Variants in DNAH2 observed in about 807,000 individuals in gnomAD.
The protein encoded by DNAH2 is axonemal beta dynein heavy chain 2.
A neutral mutation model predicts 523.5 loss-of-function variants in DNAH2; 323 were observed. The observed-to-expected ratio is 0.62, with a 90% CI of 0.56 to 0.68. The LOEUF is 0.68. DNAH2 is among the 30% of genes least tolerant of loss of function. DNAH2 has a pLI of 0.00. For synonymous variants in DNAH2, 2,093 were observed against 2,177.4 expected (o/e 0.96, Z 1.08); for missense variants, 4,907 against 5,701.5 (o/e 0.86, Z 4.49).
intron 4 of DNAH2, among the ~76,000 whole-genome samples, chr17:7,728,227 T>G (rs2074883845): frequency 6.6e-6 from 1 of 152,160 alleles, no homozygotes; most frequent in Non-Finnish European, 1.5e-5. Flanking sequence ...AGTAAAATGT[T>G]GCTGGTAGAA....
intron 44 of DNAH2, among the ~76,000 whole-genome samples, chr17:7,790,749 T>C (rs2076874656): frequency 1.3e-5 from 2 of 151,698 alleles, no homozygotes; most frequent in South Asian, 4.2e-4. Context: ...TCTTGCTCTG[T>C]TACCAAGGCT....
intron 12 of DNAH2, among the ~76,000 whole-genome samples, chr17:7,747,516 T>C (rs2075551849): frequency 1.3e-5 from 2 of 152,286 alleles, no homozygotes; most frequent in South Asian, 4.1e-4. Context: ...TCTGCAGCAC[T>C]GTGTTTACTG....
At chr17:7,761,847 T>C (rs1459389967) in intron 18 of DNAH2, among the ~76,000 whole-genome samples, 2 of 152,046 alleles carry the variant, frequency 1.3e-5, no homozygotes, top group Non-Finnish European at 2.9e-5. Flanking sequence ...GGTCATTCAT[T>C]CATTCATTCT....
Position 7,718,613 on chromosome 17 carries a change from A to G in DNAH2, c.-201A>G, listed in dbSNP as rs2074494896. 6.6e-6 allele frequency: 1 copy of G among 152,554 alleles called. No individual in the cohort carries two copies. The highest frequency in any genetic ancestry group is 2.1e-4 in the South Asian group (1 of 4,832). The allele number at this position is 152,554 out of a possible 1,614,324, so 9.5% of individuals were successfully genotyped here. A position where few individuals can be genotyped will look rare whatever the true frequency, so the allele number is the denominator to read the frequency against. ...TGCTTTTTCCTCATGACACAATTTG[A>G]AATTTATGATTGGATGACTTTTGTC... is the stretch of plus-strand genomic sequence containing the variant. On this transcript the variant is annotated 5_prime_UTR_variant, in exon 1 of 86. Coordinates refer to ENST00000572933, the MANE Select transcript of DNAH2 (RefSeq NM_020877.5).
chr17:7,729,023 G>A (rs1320291927), intron 4 of DNAH2, among the ~76,000 whole-genome samples: 1 of 151,452 alleles, frequency 6.6e-6, no homozygotes, highest in African/African-American at 2.4e-5. Context: ...AGGGCCAGTT[G>A]AAACTTCCTT....
chr17:7,822,923 G>A (rs1348991063), intron 73 of DNAH2, among the ~76,000 whole-genome samples: 1 of 152,130 alleles, frequency 6.6e-6, no homozygotes, highest in Non-Finnish European at 1.5e-5. Context: ...GAACTGTGAG[G>A]GCTAAGGGCA....
Position 7,779,141 on chromosome 17 carries a change from C to T in DNAH2, c.5542-102C>T, listed in dbSNP as rs367723505. 9.3e-5 allele frequency: 130 copies of T among 1,391,754 alleles called. 1 individual carries two copies. Among genetic ancestry groups the T allele is most frequent in the Middle Eastern group, 2.6e-4 (1 of 3,906 alleles). The allele number at this position is 1,391,754 out of a possible 1,614,324, so 86.2% of individuals were successfully genotyped here. Reference sequence around the variant, plus strand: ...CCTCCCTGCCCCCTAGTCTGGAGGCCGCCTCGCCTATTGAAACATTTGAAG... The same window carrying T: ...CCTCCCTGCCCCCTAGTCTGGAGGCTGCCTCGCCTATTGAAACATTTGAAG... On this transcript the variant is annotated intron_variant, in intron 35 of 85. Coordinates refer to ENST00000572933, the MANE Select transcript of DNAH2 (RefSeq NM_020877.5).
At chr17:7,813,298 C>T (rs1182748151) in intron 63 of DNAH2, among the ~76,000 whole-genome samples, 1 of 150,794 alleles carries the variant, frequency 6.6e-6, no homozygotes, top group African/African-American at 2.4e-5. Context: ...TCTTGCTGTG[C>T]TGCTACGGTC....
At chr17:7,782,551 A>G (rs984219162) in intron 39 of DNAH2, among the ~76,000 whole-genome samples, 1 of 152,212 alleles carries the variant, frequency 6.6e-6, no homozygotes, top group Non-Finnish European at 1.5e-5. Flanking sequence ...GTAAAAGTCC[A>G]AGAAAATGAG....
rs2076946717 is a variant in DNAH2 at position 7,793,153 on chromosome 17, T to C, written c.7517T>C (p.Ile2506Thr). 6.2e-7 allele frequency: 1 copy of C among 1,614,222 alleles called. No homozygotes were observed. Reference protein sequence around the residue: ...QPPLELIRLWIDYGFWYDRTK... With the variant: ...QPPLELIRLWTDYGFWYDRTK... Reference sequence around the variant, plus strand: ...CCCCTGGAGCTGATCCGCCTCTGGATTGACTATGGCTTCTGGTATGACCGT... The same window carrying C: ...CCCCTGGAGCTGATCCGCCTCTGGACTGACTATGGCTTCTGGTATGACCGT... Residue 2506 changes from isoleucine (I) to threonine (T), a missense_variant, in exon 48 of 86, where the codon ATT (isoleucine) becomes ACT (threonine). By Grantham distance (89) the Ile-to-Thr change is moderately conservative. This residue lies in a region of DNAH2 where 250 missense variants were observed against 371.3 expected (regional missense o/e 0.67). Transcript: ENST00000572933.
At chr17:7,738,064 T>G (rs2075194220) in intron 8 of DNAH2, 1 of 703,446 alleles carries the variant, frequency 1.4e-6, no homozygotes, top group Non-Finnish European at 2.6e-6. Flanking sequence ...AAGGCTGCAT[T>G]CTCTGTTGTC....
In DNAH2 at chr17:7,821,508, G is replaced by C; in HGVS notation, c.11142+139G>C. 7.9e-7 allele frequency: 1 copy of C among 1,263,228 alleles called. No individual in the cohort carries two copies. The highest frequency in any genetic ancestry group is 1.6e-5 in the South Asian group (1 of 62,862). The allele number at this position is 1,263,228 out of a possible 1,614,324, so 78.3% of individuals were successfully genotyped here. ...CTGAGAAAATCCAGGCCAGCATCAG[G>C]TGCATGGTGAGCTCCCTGGGGCTGC... On this transcript the variant is annotated intron_variant, in intron 73 of 85. Transcript: ENST00000572933. This position sits in a 1 kb window ranked among gnomAD's most constrained non-coding sequence, Gnocchi z 5.0.
In DNAH2 at chr17:7,804,981, G is replaced by C. The variant is rs2077329156; in HGVS notation, c.9207G>C (p.Lys3069Asn). 1 of 1,614,060 alleles carries C rather than the reference G, an allele frequency of 6.2e-7. No individual in the cohort carries two copies. The highest frequency in any genetic ancestry group is 1.7e-5 in the Admixed American group (1 of 59,990). The change falls in exon 60 of 86, where the codon AAG becomes AAC. Residue 3069 changes from lysine (K) to asparagine (N), a missense_variant. Physicochemically the swap from Lys to Asn is moderately conservative, Grantham distance 94. This residue lies in a region of DNAH2 where 1,851 missense variants were observed against 2,139.4 expected (regional missense o/e 0.87). Coordinates refer to ENST00000572933, the MANE Select transcript of DNAH2 (RefSeq NM_020877.5). ...QQKAVTANSE[K>N]IAVEEIKCQA... The stretch of plus-strand genomic sequence containing the variant: ...AGGCCGTAACAGCCAACAGTGAAAA[G>C]ATTGCAGTTGAGGAAATCAAGTGTC...
At chr17:7,732,201 G>A (rs2075009250) in intron 4 of DNAH2, among the ~76,000 whole-genome samples, 1 of 151,722 alleles carries the variant, frequency 6.6e-6, no homozygotes, top group Non-Finnish European at 1.5e-5. Context: ...TTGGGAGGCC[G>A]AGGCAGATGG....
chr17:7,727,623 G>A (rs2074860570), intron 4 of DNAH2, among the ~76,000 whole-genome samples: 1 of 151,982 alleles, frequency 6.6e-6, no homozygotes, highest in Non-Finnish European at 1.5e-5. Context: ...AGACGTGGTG[G>A]TGCACACCTG....
At chr17:7,799,316 T>C (rs2077157958) in intron 56 of DNAH2, 74 bp downstream of exon 56, 15 of 1,569,952 alleles carry the variant, frequency 9.6e-6, no homozygotes, top group African/African-American at 1.3e-5. Flanking sequence ...CTGTGCCTTC[T>C]GGAAATTAGT....
intron 5 of DNAH2, among the ~76,000 whole-genome samples, 175 bp downstream of exon 5, chr17:7,733,490 T>A (rs566497630): frequency 3.4e-5 from 5 of 148,696 alleles, no homozygotes; most frequent in African/African-American, 9.9e-5. Context: ...TTTTTTTTTT[T>A]TTTTTGAGAT....
At chr17:7,797,374 A>G in intron 51 of DNAH2, 26 bp from the exon 52 acceptor site, 1 of 1,613,776 alleles carries the variant, frequency 6.2e-7, no homozygotes, top group East Asian at 2.2e-5. Context: ...TTATTCCCCG[A>G]TCTCACCCCA....
chr17:7,815,124 G>T (rs571089305), intron 63 of DNAH2, among the ~76,000 whole-genome samples: 59 of 152,360 alleles, frequency 3.9e-4, no homozygotes, highest in African/African-American at 1.2e-3. Flanking sequence ...CCTCCATGTT[G>T]TTTTAAAGAA....
Sources: gnomAD v4.1 joint callset for allele counts (sites outside exome capture counted in the v4.1 genomes callset) on GRCh38, gnomAD v4.1.1 for gene constraint, gnomAD v4.1.1 regional missense constraint, Gnocchi (gnomAD v3.1) non-coding constraint, MANE v1.5 for transcripts, NCBI Gene and HGNC (gene_info 2026-07-23, HGNC 2026-07-21) for gene names.